PRKCH: variants seen among roughly 807,000 people sequenced by gnomAD.
The protein encoded by PRKCH is protein kinase C eta.
A neutral mutation model predicts 82.5 loss-of-function variants in PRKCH; 28 were observed. The ratio of observed to expected loss-of-function variants is 0.34; its 90% CI spans 0.25 to 0.47. The LOEUF is 0.47. PRKCH is among the 20% of genes least tolerant of loss of function. The pLI, the probability that PRKCH is intolerant of heterozygous loss-of-function variation, is 1.00. For synonymous variants in PRKCH, 322 were observed against 327.4 expected (o/e 0.98, Z 0.18); for missense variants, 705 against 881.8 (o/e 0.80, Z 2.54).
intron 1 of PRKCH, among the ~76,000 whole-genome samples, chr14:61,356,102 C>T (rs959385250): frequency 5.3e-5 from 8 of 152,292 alleles, no homozygotes; most frequent in African/African-American, 1.9e-4. Flanking sequence ...GCTTGGCATT[C>T]TTTCATGGAA....
intron 9 of PRKCH, among the ~76,000 whole-genome samples, chr14:61,478,121 T>G (rs1336722287): frequency 2.0e-5 from 3 of 152,246 alleles, no homozygotes; most frequent in African/African-American, 7.2e-5. Flanking sequence ...CTCATGATGA[T>G]GAGGATAATA....
rs201541520 is a variant in PRKCH, at chr14:61,502,063, TTC to T, written c.1433+16409_1433+16410del. ...ATCTTTTCTTTTCTTTTCTTTTCTT[TTC>T]TTTTTTTTTTTTTTTTTCCGAGATG... is the stretch of plus-strand genomic sequence containing the variant. On this transcript the variant is annotated intron_variant, in intron 10 of 13. Coordinates refer to ENST00000332981, the MANE Select transcript of PRKCH (RefSeq NM_006255.5). Among the ~76,000 whole-genome samples the T allele has an allele frequency of 9.3e-4, 8 of 8,584 alleles. No homozygotes were observed. In the South Asian group the frequency reaches 0.018, roughly 19 times the overall value. The allele number at this position is 8,584 out of a possible 152,430, so 5.6% of individuals were successfully genotyped here.
intron 1 of PRKCH, among the ~76,000 whole-genome samples, chr14:61,312,997 G>A (rs1445627326): frequency 6.6e-6 from 1 of 152,192 alleles, no homozygotes; most frequent in Non-Finnish European, 1.5e-5. Context: ...AAACTATTCA[G>A]TTCAAAGGCT....
At chr14:61,310,577 C>A (rs1407220209) in intron 1 of PRKCH, among the ~76,000 whole-genome samples, 4 of 152,228 alleles carry the variant, frequency 2.6e-5, no homozygotes, top group Non-Finnish European at 2.9e-5. Context: ...CCCTTCCTGG[C>A]TGCTTTCGAG....
intron 12 of PRKCH, 39 bp from the exon 13 acceptor site, chr14:61,547,704 G>A: frequency 6.3e-7 from 1 of 1,598,144 alleles, no homozygotes; most frequent in Non-Finnish European, 8.5e-7. Flanking sequence ...CTGGTTGTAT[G>A]TGAATGAATG....
At chr14:61,271,992 G>A (rs574775161) in intron 1 of PRKCH, among the ~76,000 whole-genome samples, 20 of 152,288 alleles carry the variant, frequency 1.3e-4, no homozygotes, top group Non-Finnish European at 1.6e-4. Context: ...TTGGGAGGCC[G>A]AGGCGGGCGG....
At chr14:61,267,477 C>T (rs955321130) in intron 1 of PRKCH, among the ~76,000 whole-genome samples, 1 of 152,182 alleles carries the variant, frequency 6.6e-6, no homozygotes, top group African/African-American at 2.4e-5. Flanking sequence ...GCTTTGATCT[C>T]TGAGCCCCTC....
chr14:61,389,165 C>T (rs2046634455), intron 1 of PRKCH, among the ~76,000 whole-genome samples: 1 of 152,148 alleles, frequency 6.6e-6, no homozygotes, highest in South Asian at 2.1e-4. Context: ...TGCCTGGTCT[C>T]AGGAGTTCAA....
intron 1 of PRKCH, among the ~76,000 whole-genome samples, chr14:61,259,799 T>G (rs978893223): frequency 6.6e-6 from 1 of 152,192 alleles, no homozygotes; most frequent in Admixed American, 6.5e-5. Flanking sequence ...TATGATCTGT[T>G]CACAGTTGGT....
chr14:61,375,446 T>C (rs1385510547), intron 1 of PRKCH, among the ~76,000 whole-genome samples: 1 of 152,198 alleles, frequency 6.6e-6, no homozygotes, highest in African/African-American at 2.4e-5. Context: ...GTACCAATTT[T>C]CTGTATTAGT....
At chr14:61,472,273 T>C (rs1168705119) in intron 9 of PRKCH, among the ~76,000 whole-genome samples, 1 of 152,224 alleles carries the variant, frequency 6.6e-6, no homozygotes, top group Non-Finnish European at 1.5e-5. Flanking sequence ...AAGCAAGCAG[T>C]ACAAATACTG....
rs141012078 is a variant in PRKCH, at chr14:61,484,982, C to A, written c.1279-520C>A. Among the ~76,000 whole-genome samples the A allele has an allele frequency of 1.5e-4, 23 of 151,924 alleles. No individual in the cohort carries two copies. The East Asian group carries it at 4.5e-3, about 30-fold the overall frequency. ...CAAGGGATCCACCCACATAGGCCTC[C>A]CAAATTGGTAGGATTACAGGCATGA... is the stretch of plus-strand genomic sequence containing the variant. On this transcript the variant is annotated intron_variant, in intron 9 of 13. Coordinates refer to ENST00000332981, the MANE Select transcript of PRKCH (RefSeq NM_006255.5).
Position 61,457,477 on chromosome 14 carries a change from T to A in PRKCH, c.1105-29T>A, listed in dbSNP as rs527920068. The A allele has an allele frequency of 1.2e-5, 20 of 1,610,568 alleles. No homozygotes were observed. In the South Asian group the frequency reaches 2.2e-4, roughly 18 times the overall value. ...CCCTAAGACCCCCAAGAGGACTCCC[T>A]CATGCTCCCTCCTTTTGCTTTGCCA... On this transcript the variant is annotated intron_variant, in intron 8 of 13. Transcript: ENST00000332981.
chr14:61,255,527 T>C (rs1162227729), intron 1 of PRKCH, among the ~76,000 whole-genome samples: 1 of 152,170 alleles, frequency 6.6e-6, no homozygotes, highest in East Asian at 1.9e-4. Flanking sequence ...AAGAGATTAT[T>C]ATCTTAAAAA....
At chr14:61,465,434 C>CTGCA (rs1484285651) in intron 9 of PRKCH, among the ~76,000 whole-genome samples, 2 of 152,126 alleles carry the variant, frequency 1.3e-5, no homozygotes, top group Admixed American at 1.3e-4. Flanking sequence ...TTTTATTCTT[C>CTGCA]TGCATGTAGA....
chr14:61,388,855 G>A (rs1189548470), intron 1 of PRKCH, among the ~76,000 whole-genome samples: 1 of 152,228 alleles, frequency 6.6e-6, no homozygotes, highest in African/African-American at 2.4e-5. Flanking sequence ...GATTTATAGT[G>A]TGGTAACCAC....
upstream of PRKCH, among the ~76,000 whole-genome samples, chr14:61,316,882 C>T (rs1778001822): frequency 6.6e-6 from 1 of 152,062 alleles, no homozygotes. Context: ...TTTAGGGAGC[C>T]AGTTGCAGGA....
At position 61,526,148 on chromosome 14, in the gene PRKCH, G is replaced by T. The variant is rs146005499; in HGVS notation, c.1434-2927G>T. Among the ~76,000 whole-genome samples the T allele has an allele frequency of 1.8e-3, 270 of 152,328 alleles. 1 individual carries two copies. The highest frequency in any genetic ancestry group is 6.2e-3 in the African/African-American group (256 of 41,580). ...CAACCTTTTGTAGGTTAAACTGGCTGTGCTCATATTGTATTTATGTGGTGG... is the reference window on the plus strand; with the variant it reads ...CAACCTTTTGTAGGTTAAACTGGCTTTGCTCATATTGTATTTATGTGGTGG... On this transcript the variant is annotated intron_variant, in intron 10 of 13. Transcript: ENST00000332981.
chr14:61,305,973 G>C (rs865850103), intron 1 of PRKCH: 2 of 152,180 alleles, frequency 1.3e-5, no homozygotes, highest in East Asian at 3.8e-4. Context: ...AAATGGTGTT[G>C]AGGTTTATTC....
Sources: gnomAD v4.1 joint callset for allele counts (sites outside exome capture counted in the v4.1 genomes callset) on GRCh38, gnomAD v4.1.1 for gene constraint, MANE v1.5 for transcripts, NCBI Gene and HGNC (gene_info 2026-07-23, HGNC 2026-07-21) for gene names.